Variants in LAMC3 observed in about 807,000 individuals in gnomAD.
LAMC3 encodes the protein laminin subunit gamma 3.
Under a neutral mutation model 173.8 loss-of-function variants are expected in LAMC3, and 128 were observed. That is an observed-to-expected ratio of 0.74 (90% CI 0.64 to 0.85). The LOEUF (loss-of-function observed/expected upper bound fraction) is 0.85. Ranked by LOEUF, LAMC3 falls within the 40% of genes least tolerant of loss-of-function variation. The pLI is 0.00. For missense variants in LAMC3, 2,022 were observed against 2,156.0 expected (o/e 0.94, Z 1.23); for synonymous variants, 897 against 909.1 (o/e 0.99, Z 0.24).
chr9:131,069,624 G>A, intron 16 of LAMC3, 48 bp from the exon 17 acceptor site: 1 of 1,562,650 alleles, frequency 6.4e-7, no homozygotes, highest in South Asian at 1.2e-5. Flanking sequence ...AGCACGCACT[G>A]CCCCTGGCCC....
At chr9:131,020,353 TC>T (rs34711801) in intron 1 of LAMC3, among the ~76,000 whole-genome samples, 1 of 152,086 alleles carries the variant, frequency 6.6e-6, no homozygotes, top group African/African-American at 2.4e-5. Context: ...AGCTGGGGAC[TC>T]CCCATGGCCA....
Position 131,047,165 on chromosome 9 carries a change from C to CTTTTTTTTTTTTTTTTTTTT in LAMC3, c.1519+1522_1519+1523insTTTTTTTTTTTTTTTTTTTT, listed in dbSNP as rs398012456. Among the ~76,000 whole-genome samples, 78 of 102,154 alleles carry CTTTTTTTTTTTTTTTTTTTT rather than the reference C, an allele frequency of 7.6e-4. 11 individuals carry two copies. Among genetic ancestry groups the CTTTTTTTTTTTTTTTTTTTT allele is most frequent in the African/African-American group, 2.0e-3 (53 of 26,582 alleles). The allele number at this position is 102,154 out of a possible 152,430, so 67.0% of individuals were successfully genotyped here. On this transcript the variant is annotated intron_variant, in intron 8 of 27. Coordinates refer to ENST00000361069, the MANE Select transcript of LAMC3 (RefSeq NM_006059.4). Reference sequence around the variant, plus strand: ...AAAACTTTTTGGTCTCTGAATTCCTCTTTTTTTTTTTTTTTTTAAGACGGA... The same window carrying CTTTTTTTTTTTTTTTTTTTT: ...AAAACTTTTTGGTCTCTGAATTCCTCTTTTTTTTTTTTTTTTTTTTTTTTTTTTTTTTTTTTTAAGACGGA...
chr9:131,010,578 G>A (rs542661989), intron 1 of LAMC3, among the ~76,000 whole-genome samples: 1 of 152,324 alleles, frequency 6.6e-6, no homozygotes, highest in East Asian at 1.9e-4. Context: ...TGGGTCTTCT[G>A]GTCAACTTCA....
At chr9:131,085,975 A>T (rs1661357308) in intron 25 of LAMC3, 1 of 559,592 alleles carries the variant, frequency 1.8e-6, no homozygotes, top group East Asian at 3.0e-5. Context: ...CAGGACTTAC[A>T]CCTGGGTCTG....
chr9:131,065,054 A>AGG (rs1409086304), intron 13 of LAMC3, among the ~76,000 whole-genome samples: 1 of 141,170 alleles, frequency 7.1e-6, no homozygotes, highest in East Asian at 2.0e-4. Context: ...AAAAAAAAAA[A>AGG]AAAAAGAAAA....
intron 3 of LAMC3, among the ~76,000 whole-genome samples, chr9:131,035,026 CTGCA>C (rs1203146802): frequency 6.6e-6 from 1 of 152,358 alleles, no homozygotes; most frequent in African/African-American, 2.4e-5. Flanking sequence ...TCTCGGCTCA[CTGCA>C]ACCTCTGCCT....
rs1829975886 is a variant in LAMC3, at chr9:131,068,221, G to C, written c.2737G>C (p.Gly913Arg). Residue 913 changes from glycine to arginine, a missense_variant, in exon 15 of 28, where the codon GGC (glycine) becomes CGC (arginine). By Grantham distance (125) the Gly-to-Arg change is moderately radical (BLOSUM62 -2). Coordinates refer to ENST00000361069, the MANE Select transcript of LAMC3 (RefSeq NM_006059.4). ...PGFFDLQPGR[G>R]CRSCKCHPLG... Reference sequence around the variant, plus strand: ...CTTCTTCGACCTCCAGCCTGGGAGGGGCTGCCGGAGGTAGGTAGGGTGAGA... The same window carrying C: ...CTTCTTCGACCTCCAGCCTGGGAGGCGCTGCCGGAGGTAGGTAGGGTGAGA... 1.2e-6 allele frequency: 2 copies of C among 1,609,954 alleles called. No individual in the cohort carries two copies. Among genetic ancestry groups the C allele is most frequent in the Non-Finnish European group, 1.7e-6 (2 of 1,178,166 alleles).
At chr9:131,036,052 A>G in intron 3 of LAMC3, 114 bp from the exon 4 acceptor site, 1 of 1,095,520 alleles carries the variant, frequency 9.1e-7, no homozygotes, top group Non-Finnish European at 1.4e-6. Flanking sequence ...GTGAGGGCCA[A>G]GATTGAGGGT....
At chr9:131,053,147 G>A (rs1185236069) in intron 11 of LAMC3, among the ~76,000 whole-genome samples, 182 bp downstream of exon 11, 1 of 152,234 alleles carries the variant, frequency 6.6e-6, no homozygotes, top group Non-Finnish European at 1.5e-5. Flanking sequence ...ACCTGTGAAG[G>A]CAATGGGGAT....
chr9:131,048,971 C>A, intron 8 of LAMC3, 49 bp from the exon 9 acceptor site: 1 of 1,245,368 alleles, frequency 8.0e-7, no homozygotes, highest in Non-Finnish European at 1.1e-6. Flanking sequence ...CTGGAGACCA[C>A]CCTCCGGGGC....
chr9:131,066,397 A>G (rs1265522378), intron 13 of LAMC3, among the ~76,000 whole-genome samples: 5 of 151,974 alleles, frequency 3.3e-5, no homozygotes, highest in Admixed American at 3.3e-4. Flanking sequence ...AGGCTGAGGC[A>G]GGAGAATTGC....
chr9:131,034,642 A>T (rs1833908024), intron 3 of LAMC3, among the ~76,000 whole-genome samples: 1 of 152,216 alleles, frequency 6.6e-6, no homozygotes, highest in African/African-American at 2.4e-5. Flanking sequence ...CATGTGTGGA[A>T]TGGGGACGCT....
intron 11 of LAMC3, among the ~76,000 whole-genome samples, chr9:131,055,632 A>G (rs1371401156): frequency 6.6e-6 from 1 of 150,908 alleles, no homozygotes; most frequent in Non-Finnish European, 1.5e-5. Context: ...TCACCGTGTT[A>G]GCCAGGATGG....
rs2133254776 is a variant in LAMC3 at position 131,039,173 on chromosome 9, GCAA to G, written c.1209_1211del (p.Cys403_Lys404delinsTrp). On this transcript the variant is annotated inframe_deletion, in exon 6 of 28. Transcript: ENST00000361069. ...TGCGATGACACAGGCACCTGCGCCT[GCAA>G]GCCCACGGTGACTGGCTGGAAGTGT... 1 of 1,610,862 alleles carries G rather than the reference GCAA, an allele frequency of 6.2e-7. No individual in the cohort carries two copies. Among genetic ancestry groups the G allele is most frequent in the African/African-American group, 1.3e-5 (1 of 75,050 alleles).
chr9:131,055,125 A>G (rs954577128), intron 11 of LAMC3, among the ~76,000 whole-genome samples: 1 of 152,166 alleles, frequency 6.6e-6, no homozygotes, highest in Non-Finnish European at 1.5e-5. Context: ...GTATTCCAGT[A>G]TAAGTGTCGC....
At chr9:131,011,020 T>G (rs1304453394) in intron 1 of LAMC3, among the ~76,000 whole-genome samples, 1 of 152,232 alleles carries the variant, frequency 6.6e-6, no homozygotes, top group African/African-American at 2.4e-5. Context: ...CTCCCAAAGC[T>G]TTGAAAACTC....
intron 14 of LAMC3, 40 bp downstream of exon 14, chr9:131,067,245 G>A (rs747677505): frequency 1.1e-5 from 18 of 1,609,174 alleles, no homozygotes; most frequent in Non-Finnish European, 1.5e-5. Context: ...GCACATGGTG[G>A]GCCCCTTCTC....
chr9:131,045,349 AG>A (rs1166654972), intron 7 of LAMC3, among the ~76,000 whole-genome samples, 174 bp from the exon 8 acceptor site: 1 of 152,200 alleles, frequency 6.6e-6, no homozygotes, highest in African/African-American at 2.4e-5. Context: ...TGTCTGAAGC[AG>A]GTATGGGAAC....
chr9:131,067,946 C>T (rs984431513), intron 14 of LAMC3, 132 bp from the exon 15 acceptor site: 3 of 972,976 alleles, frequency 3.1e-6, no homozygotes, highest in Non-Finnish European at 3.2e-6. Context: ...CCAGCAGTGG[C>T]GTCTGAATCT....
Sources: gnomAD v4.1 joint callset for allele counts (sites outside exome capture counted in the v4.1 genomes callset) on GRCh38, gnomAD v4.1.1 for gene constraint, MANE v1.5 for transcripts, NCBI Gene and HGNC (gene_info 2026-07-23, HGNC 2026-07-21) for gene names.